Variants in HYDIN observed in about 807,000 individuals in gnomAD.
HYDIN encodes HYDIN axonemal central pair apparatus protein.
In HYDIN, 132 loss-of-function variants were observed where a neutral mutation model predicts 403.9. The observed-to-expected ratio is 0.33, with a 90% CI of 0.28 to 0.38. HYDIN has a LOEUF of 0.38. Among genes scored for constraint, HYDIN ranks in the 10% least tolerant of loss-of-function variants. The probability of loss-of-function intolerance (pLI) is 1.00; values close to 1 mark genes in which losing one functional copy is unlikely to be tolerated. For missense variants in HYDIN, 2,827 were observed against 5,009.5 expected, an observed-to-expected ratio of 0.56 and a Z score of 13.15; for synonymous variants, 1,202 against 1,891.7, an observed-to-expected ratio of 0.64 and a Z score of 9.46.
intron 13 of HYDIN, chr16:71,075,970 T>C (rs2144326114): frequency 2.4e-6 from 1 of 412,608 alleles, no homozygotes; most frequent in African/African-American, 2.0e-5. Context: ...TACTTGAGGA[T>C]CTCTCAGTTC....
chr16:70,906,213 G>T (rs982386294), intron 50 of HYDIN, among the ~76,000 whole-genome samples: 5 of 152,014 alleles, frequency 3.3e-5, no homozygotes, highest in Non-Finnish European at 5.9e-5. Flanking sequence ...CCCCAATTCT[G>T]CCTAAAAATC....
rs529193641 is a variant in HYDIN, at chr16:70,933,508, G to C, written c.7158+2444C>G. 121 of 151,098 alleles carry C rather than the reference G, an allele frequency of 8.0e-4. 1 individual carries two copies. The highest frequency in any genetic ancestry group is 2.7e-3 in the African/African-American group (112 of 40,890). 9.4% of individuals were successfully genotyped at this position (151,098 alleles called of 1,614,324 possible). A position where few individuals can be genotyped will look rare whatever the true frequency, so the allele number is the denominator to read the frequency against. On this transcript the variant is annotated intron_variant, in intron 45 of 85. Transcript: ENST00000393567. The stretch of plus-strand genomic sequence containing the variant: ...AACCAGGAAAAGGAGTGCCTGCTTT[G>C]GAGTTGGACAAATTGGGCCTGCCCC...
chr16:70,951,279 A>AGG (rs557070471), intron 41 of HYDIN, among the ~76,000 whole-genome samples: 38 of 144,618 alleles, frequency 2.6e-4, no homozygotes, highest in Non-Finnish European at 5.1e-4. Flanking sequence ...AGAGAGAGAG[A>AGG]GGGAGAGAGG....
chr16:70,938,384 G>A (rs2077562037), intron 44 of HYDIN, among the ~76,000 whole-genome samples: 1 of 152,252 alleles, frequency 6.6e-6, no homozygotes, highest in African/African-American at 2.4e-5. Flanking sequence ...GGTCCCAAAT[G>A]CCCGCCAGTG....
chr16:71,038,786 G>A (rs1362995963), intron 18 of HYDIN, among the ~76,000 whole-genome samples: 1 of 152,016 alleles, frequency 6.6e-6, no homozygotes, highest in East Asian at 1.9e-4. Context: ...TCAGCCTCCA[G>A]AGTAGCTGAT....
At chr16:70,955,863 G>T (rs891418257) in intron 39 of HYDIN, among the ~76,000 whole-genome samples, 1 of 152,028 alleles carries the variant, frequency 6.6e-6, no homozygotes, top group South Asian at 2.1e-4. Context: ...CTGTCACCCA[G>T]GCTGGAGTGC....
intron 18 of HYDIN, among the ~76,000 whole-genome samples, chr16:71,055,229 A>G (rs1159001451): frequency 6.6e-6 from 1 of 152,304 alleles, no homozygotes; most frequent in Non-Finnish European, 1.5e-5. Flanking sequence ...CACTGGGGCC[A>G]GAACCAGGCC....
At position 70,991,309 on chromosome 16, in the gene HYDIN, A is replaced by G; in HGVS notation, c.3864+9T>C. On this transcript the variant is annotated intron_variant, in intron 25 of 85. Coordinates refer to ENST00000393567, the MANE Select transcript of HYDIN (RefSeq NM_001270974.2). ...CCTGCCTACCCTCCCCATGGAAAGG[A>G]CACCGTACATCTGAGATCACACTGG... The G allele has an allele frequency of 6.2e-7, 1 of 1,613,940 alleles. No homozygotes were observed. Among genetic ancestry groups the G allele is most frequent in the Non-Finnish European group, 8.5e-7 (1 of 1,179,870 alleles).
At position 71,175,695 on chromosome 16, in the gene HYDIN, T is replaced by C. The variant is rs372562750; in HGVS notation, c.428A>G (p.Lys143Arg). ...KVVEESSPYF[K>R]VISPKDIGHK... is the part of the protein sequence containing the mutation. ...GCCAATATCTTTGGGGCTGATTACT[T>C]TAAAGTAAGGCGAACTTTCTTCCAC... The change falls in exon 5 of 86, where the codon AAA becomes AGA. Residue 143 changes from lysine (K) to arginine (R), a missense_variant. Transcript: ENST00000393567. 1.9e-6 allele frequency: 3 copies of C among 1,614,058 alleles called. No individual in the cohort carries two copies. Among genetic ancestry groups the C allele is most frequent in the East Asian group, 2.2e-5 (1 of 44,892 alleles).
intron 80 of HYDIN, among the ~76,000 whole-genome samples, chr16:70,831,468 C>G (rs1160617784): frequency 7.2e-6 from 1 of 138,742 alleles, no homozygotes; most frequent in East Asian, 2.2e-4. Flanking sequence ...GAGATCATGC[C>G]ACTGCACTCC....
intron 22 of HYDIN, among the ~76,000 whole-genome samples, chr16:71,018,804 T>A (rs1315024170): frequency 6.6e-6 from 1 of 152,372 alleles, no homozygotes; most frequent in East Asian, 1.9e-4. Flanking sequence ...CTACAATGAA[T>A]AACTATTATA....
intron 35 of HYDIN, among the ~76,000 whole-genome samples, chr16:70,972,050 A>T (rs1391389992): frequency 6.7e-6 from 1 of 149,004 alleles, no homozygotes; most frequent in Non-Finnish European, 1.5e-5. Flanking sequence ...GAACAAATCT[A>T]TTTTTTTTTT....
At chr16:70,911,947 G>A (rs1312313371) in intron 47 of HYDIN, among the ~76,000 whole-genome samples, 4 of 151,050 alleles carry the variant, frequency 2.6e-5, no homozygotes, top group African/African-American at 9.9e-5. Flanking sequence ...CTACTGATTT[G>A]TGTACATTAA....
intron 1 of HYDIN, among the ~76,000 whole-genome samples, chr16:71,222,407 T>C (rs1448996641): frequency 6.6e-6 from 1 of 152,052 alleles, no homozygotes. Flanking sequence ...TTGAAAGCCT[T>C]CCCTGTGAGA....
intron 1 of HYDIN, among the ~76,000 whole-genome samples, chr16:71,216,045 C>A (rs2088862034): frequency 6.6e-6 from 1 of 152,122 alleles, no homozygotes; most frequent in Non-Finnish European, 1.5e-5. Flanking sequence ...CGTAAAACAA[C>A]TTCAGAAAAC....
At chr16:71,020,145 C>G in intron 22 of HYDIN, 29 bp downstream of exon 22, 1 of 1,609,922 alleles carries the variant, frequency 6.2e-7, no homozygotes, top group Non-Finnish European at 8.5e-7. Context: ...CCCCAGACAG[C>G]TTGCCAGAAC....
At chr16:71,110,374 A>C (rs2083771303) in intron 10 of HYDIN, among the ~76,000 whole-genome samples, 2 of 139,068 alleles carry the variant, frequency 1.4e-5, no homozygotes, top group Non-Finnish European at 3.0e-5. Context: ...TATATATAAA[A>C]TAAAATACAT....
chr16:71,198,000 G>A (rs1353040737), intron 1 of HYDIN, among the ~76,000 whole-genome samples: 1 of 152,214 alleles, frequency 6.6e-6, no homozygotes, highest in Non-Finnish European at 1.5e-5. Context: ...GCCCGCCTCA[G>A]TCTCCCAAAG....
chr16:70,950,261 C>CT (rs1288501765), intron 41 of HYDIN, among the ~76,000 whole-genome samples: 2 of 150,218 alleles, frequency 1.3e-5, no homozygotes, highest in East Asian at 1.9e-4. Context: ...TTTTTATGTA[C>CT]TTTTTTTGAG....
Sources: gnomAD v4.1 joint callset for allele counts (sites outside exome capture counted in the v4.1 genomes callset) on GRCh38, gnomAD v4.1.1 for gene constraint, MANE v1.5 for transcripts, NCBI Gene and HGNC (gene_info 2026-07-23, HGNC 2026-07-21) for gene names.